Variants in ZNF469 observed in about 807,000 individuals in gnomAD.
ZNF469 encodes zinc finger protein 469.
Under a neutral mutation model 1.0 loss-of-function variants are expected in ZNF469, and 1 was observed. That is an observed-to-expected ratio of 1.00 (90% CI 0.35 to 4.73). The LOEUF (loss-of-function observed/expected upper bound fraction) is 4.73, where lower values mean the gene tolerates loss of function less well. ZNF469 is among the 30% of genes most tolerant of loss of function. The pLI is 0.16. For missense variants in ZNF469, 6,100 were observed against 5,356.3 expected, an observed-to-expected ratio of 1.14 and a Z score of -4.33; for synonymous variants, 2,703 against 2,363.4, an observed-to-expected ratio of 1.14 and a Z score of -4.17.
At chr16:88,236,735 G>T in the ZNF469 span, among the ~76,000 whole-genome samples, 5,377 of 151,718 alleles carry the variant, frequency 0.035, 314 homozygotes, top group African/African-American at 0.12. Context: ...GGCGTGGTGG[G>T]GGGTGCCTGT....
chr16:88,304,967 C>G, the ZNF469 span, among the ~76,000 whole-genome samples: 1 of 152,140 alleles, frequency 6.6e-6, no homozygotes, highest in African/African-American at 2.4e-5. Context: ...CACCCAAGTT[C>G]CATCTGGAAT....
chr16:88,150,078 C>A, the ZNF469 span, among the ~76,000 whole-genome samples: 1 of 152,194 alleles, frequency 6.6e-6, no homozygotes, highest in Non-Finnish European at 1.5e-5. Context: ...GAGGCCGAGG[C>A]GGGTGGATCA....
chr16:88,170,779 C>T, the ZNF469 span, among the ~76,000 whole-genome samples: 3 of 152,148 alleles, frequency 2.0e-5, no homozygotes, highest in East Asian at 1.9e-4. The surrounding 1 kb of genome is among the most constrained non-coding windows in gnomAD (Gnocchi z 4.2). Flanking sequence ...CATAGGTACC[C>T]GTTGATGGGG....
At chr16:88,229,613 T>TGTG in the ZNF469 span, among the ~76,000 whole-genome samples, 393 of 15,148 alleles carry the variant, frequency 0.026, 1 homozygote, top group Non-Finnish European at 0.14. Context: ...GCGTGTGTGC[T>TGTG]GATGTCACGC....
chr16:88,264,617 C>T, the ZNF469 span, among the ~76,000 whole-genome samples: 1 of 151,404 alleles, frequency 6.6e-6, no homozygotes, highest in South Asian at 2.1e-4. Flanking sequence ...CTTCCTCCCA[C>T]ATCCCCCTCC....
chr16:88,297,724 T>A, the ZNF469 span, among the ~76,000 whole-genome samples: 7 of 152,314 alleles, frequency 4.6e-5, no homozygotes, highest in East Asian at 1.2e-3. Flanking sequence ...TATGAGGACA[T>A]CTGTGATTGC....
chr16:88,134,508 C>G, the ZNF469 span, among the ~76,000 whole-genome samples: 2 of 152,360 alleles, frequency 1.3e-5, no homozygotes, highest in African/African-American at 4.8e-5. Flanking sequence ...CAATGCATGT[C>G]TCCACTTATC....
At chr16:88,381,168 TCACA>T (rs1232479437), upstream of ZNF469, among the ~76,000 whole-genome samples, 2 of 75,672 alleles carry the variant, frequency 2.6e-5, no homozygotes, top group African/African-American at 5.8e-5. Flanking sequence ...AGACACGCCC[TCACA>T]CACAGACATG....
the ZNF469 span, among the ~76,000 whole-genome samples, chr16:88,304,691 C>CCAT: frequency 1.3e-5 from 2 of 152,212 alleles, no homozygotes; most frequent in African/African-American, 2.4e-5. Context: ...ATTCCTTCCC[C>CCAT]CATCATCTCA....
At chr16:88,131,727 C>T in the ZNF469 span, among the ~76,000 whole-genome samples, 2 of 152,258 alleles carry the variant, frequency 1.3e-5, no homozygotes, top group Non-Finnish European at 2.9e-5. Flanking sequence ...GGCCACACGG[C>T]GTCCACTGCA....
At chr16:88,403,645 G>A (rs1430563504) in intron 1 of ZNF469, among the ~76,000 whole-genome samples, 1 of 152,214 alleles carries the variant, frequency 6.6e-6, no homozygotes, top group Non-Finnish European at 1.5e-5. Context: ...CCTGCCCTCG[G>A]CCCCCACAGT....
At position 88,438,594 on chromosome 16, in the gene ZNF469, C is replaced by G. The variant is rs753986673; in HGVS notation, c.11124C>G (p.Pro3708=). The change falls in exon 3 of 3, where the codon CCC becomes CCG. Residue 3708 remains proline (P), a synonymous_variant. Coordinates refer to ENST00000565624, the MANE Select transcript of ZNF469 (RefSeq NM_001367624.2). Reference sequence around the variant, plus strand: ...GGAAGGCGGTGGGGAGCCTGGCACCCGGGGAGCTGGCCCGTGGCACAGAGA... The same window carrying G: ...GGAAGGCGGTGGGGAGCCTGGCACCGGGGGAGCTGGCCCGTGGCACAGAGA... The part of the protein sequence containing the change: ...HPRKAVGSLA[P]GELARGTENG... The G allele has an allele frequency of 7.1e-6, 11 of 1,549,914 alleles. No homozygotes were observed. Among genetic ancestry groups the G allele is most frequent in the Admixed American group, 2.0e-5 (1 of 50,970 alleles).
chr16:88,419,249 G>A (rs553399759), intron 1 of ZNF469, among the ~76,000 whole-genome samples: 2 of 152,214 alleles, frequency 1.3e-5, no homozygotes, highest in Non-Finnish European at 1.5e-5. Flanking sequence ...AGCAGGGGAC[G>A]GTGCCCAGGG....
the ZNF469 span, among the ~76,000 whole-genome samples, chr16:88,245,438 GC>G: frequency 6.6e-6 from 1 of 152,270 alleles, no homozygotes; most frequent in African/African-American, 2.4e-5. Flanking sequence ...TCCTCCCGCA[GC>G]CGCTGTGAGA....
the ZNF469 span, among the ~76,000 whole-genome samples, chr16:88,101,327 C>T: frequency 5.9e-5 from 9 of 152,140 alleles, no homozygotes; most frequent in Non-Finnish European, 1.0e-4. Flanking sequence ...AGCTCAAAGG[C>T]GAATTCGTTT....
chr16:88,156,624 T>A, the ZNF469 span, among the ~76,000 whole-genome samples: 1 of 152,320 alleles, frequency 6.6e-6, no homozygotes, highest in East Asian at 1.9e-4. Flanking sequence ...ATTACAAGGG[T>A]TGAATGAAAT....
the ZNF469 span, among the ~76,000 whole-genome samples, chr16:88,333,859 T>A: frequency 6.6e-6 from 1 of 150,810 alleles, no homozygotes; most frequent in Non-Finnish European, 1.5e-5. Context: ...GTGGGGGCAG[T>A]TGCAGTGTGT....
the ZNF469 span, among the ~76,000 whole-genome samples, chr16:88,174,977 A>C: frequency 2.6e-5 from 4 of 151,910 alleles, no homozygotes; most frequent in African/African-American, 9.7e-5. Flanking sequence ...AAATTGGCTA[A>C]TGTAATTGTG....
the ZNF469 span, among the ~76,000 whole-genome samples, chr16:88,318,532 G>T: frequency 6.6e-6 from 1 of 151,870 alleles, no homozygotes; most frequent in Non-Finnish European, 1.5e-5. Flanking sequence ...TCAGGGAGAC[G>T]CGGTGGCCCC....
Sources: gnomAD v4.1 joint callset for allele counts (sites outside exome capture counted in the v4.1 genomes callset) on GRCh38, gnomAD v4.1.1 for gene constraint, Gnocchi (gnomAD v3.1) non-coding constraint, MANE v1.5 for transcripts, NCBI Gene and HGNC (gene_info 2026-07-23, HGNC 2026-07-21) for gene names.